Variants in ACBD6 observed in about 807,000 individuals in gnomAD.
ACBD6 encodes the protein acyl-CoA binding domain containing 6, also known as acyl-CoA-binding domain-containing protein 6.
ACBD6 carries 28 observed loss-of-function variants against 37.2 expected under a neutral mutation model. That is an observed-to-expected ratio of 0.75 (90% CI 0.56 to 1.03). The LOEUF is 1.03. Among genes scored for constraint, ACBD6 ranks in the 50% least tolerant of loss-of-function variants. ACBD6 has a pLI of 0.00. For synonymous variants in ACBD6, 113 were observed against 126.8 expected (o/e 0.89, Z 0.73); for missense variants, 340 against 337.4 (o/e 1.01, Z -0.06).
intron 7 of ACBD6, among the ~76,000 whole-genome samples, chr1:180,309,197 T>C (rs1650496777): frequency 1.3e-5 from 2 of 152,194 alleles, no homozygotes; most frequent in Non-Finnish European, 2.9e-5. Context: ...ATATACACCG[T>C]GCTACACCTT....
intron 7 of ACBD6, among the ~76,000 whole-genome samples, chr1:180,304,109 T>A (rs376469652): frequency 9.2e-4 from 139 of 150,634 alleles, no homozygotes; most frequent in African/African-American, 3.2e-3. Context: ...ACGTATCTCA[T>A]AATAATAAGA....
intron 6 of ACBD6, among the ~76,000 whole-genome samples, chr1:180,345,005 C>T (rs1652127494): frequency 6.6e-6 from 1 of 152,198 alleles, no homozygotes; most frequent in Non-Finnish European, 1.5e-5. Flanking sequence ...ACTATACACT[C>T]TTCTTTACCT....
At chr1:180,486,761 A>T (rs1651282482) in intron 3 of ACBD6, among the ~76,000 whole-genome samples, 1 of 152,204 alleles carries the variant, frequency 6.6e-6, no homozygotes, top group Non-Finnish European at 1.5e-5. Context: ...TACAAAGGGA[A>T]AAATAGGAAC....
At chr1:180,443,779 A>ATTTT (rs71121019) in intron 3 of ACBD6, among the ~76,000 whole-genome samples, 1 of 134,100 alleles carries the variant, frequency 7.5e-6, no homozygotes, top group African/African-American at 2.8e-5. Flanking sequence ...CGCCCAGCTA[A>ATTTT]TTTTTTTTTT....
At chr1:180,424,411 C>T (rs932161949) in intron 4 of ACBD6, among the ~76,000 whole-genome samples, 11 of 152,008 alleles carry the variant, frequency 7.2e-5, no homozygotes, top group Non-Finnish European at 1.2e-4. Flanking sequence ...TCATACCCTA[C>T]GTGTCAATTA....
intron 6 of ACBD6, among the ~76,000 whole-genome samples, chr1:180,354,245 C>A (rs1401608042): frequency 1.3e-5 from 2 of 152,178 alleles, no homozygotes; most frequent in African/African-American, 4.8e-5. Flanking sequence ...CTTGTCAGCC[C>A]AGATCACAAA....
At chr1:180,288,654 C>A in intron 7 of ACBD6, 137 bp from the exon 8 acceptor site, 1 of 1,085,272 alleles carries the variant, frequency 9.2e-7, no homozygotes, top group Non-Finnish European at 1.4e-6. Context: ...GAAGGATGGT[C>A]AGGCCTGGTA....
At chr1:180,459,836 A>T (rs1173021677) in intron 3 of ACBD6, among the ~76,000 whole-genome samples, 1 of 152,112 alleles carries the variant, frequency 6.6e-6, no homozygotes, top group Non-Finnish European at 1.5e-5. Context: ...AACACATATG[A>T]CCTCAAAAAA....
chr1:180,282,100 A>G (rs1235342003), intron 8 of ACBD6, among the ~76,000 whole-genome samples: 1 of 152,240 alleles, frequency 6.6e-6, no homozygotes, highest in African/African-American at 2.4e-5. Context: ...GAATAAAAGT[A>G]TTACACACAA....
intron 6 of ACBD6, among the ~76,000 whole-genome samples, chr1:180,328,505 AC>A (rs1465456803): frequency 2.0e-5 from 3 of 152,004 alleles, no homozygotes; most frequent in African/African-American, 7.2e-5. Flanking sequence ...CTCTAAAGAT[AC>A]AAGAGTAATA....
intron 6 of ACBD6, among the ~76,000 whole-genome samples, chr1:180,346,601 C>T (rs1329124707): frequency 6.6e-6 from 1 of 152,144 alleles, no homozygotes; most frequent in African/African-American, 2.4e-5. Context: ...GGACTGCAAA[C>T]TCTAGATGAG....
chr1:180,502,425 C>T lies in ACBD6; in HGVS notation c.-159G>A. 1 of 761,226 alleles carries T rather than the reference C, an allele frequency of 1.3e-6. No individual in the cohort carries two copies. The highest frequency in any genetic ancestry group is 2.3e-6 in the Non-Finnish European group (1 of 442,308). 47.2% of individuals were successfully genotyped at this position (761,226 alleles called of 1,614,324 possible). A position where few individuals can be genotyped will look rare whatever the true frequency, so the allele number is the denominator to read the frequency against. ...GCGCTCCCTCACGTGACCCTGCTCCCTGCCCACTTCTACTCCCTGGGCGTG... is the reference window on the plus strand; with the variant it reads ...GCGCTCCCTCACGTGACCCTGCTCCTTGCCCACTTCTACTCCCTGGGCGTG... On this transcript the variant is annotated 5_prime_UTR_variant, in exon 1 of 8. Transcript: ENST00000367595.
intron 3 of ACBD6, among the ~76,000 whole-genome samples, chr1:180,437,267 A>G (rs1649079067): frequency 6.6e-6 from 1 of 152,184 alleles, no homozygotes; most frequent in Non-Finnish European, 1.5e-5. Flanking sequence ...CACAACTTGA[A>G]GCCAGTTGGT....
chr1:180,452,419 C>T (rs1031658807), intron 3 of ACBD6, among the ~76,000 whole-genome samples: 4 of 151,724 alleles, frequency 2.6e-5, no homozygotes, highest in South Asian at 2.1e-4. Flanking sequence ...TGTGGTGAGC[C>T]GAGATCATGC....
intron 4 of ACBD6, among the ~76,000 whole-genome samples, chr1:180,420,872 C>A (rs922960856): frequency 2.0e-5 from 3 of 152,148 alleles, no homozygotes; most frequent in Non-Finnish European, 4.4e-5. Context: ...GGTAGCCTAT[C>A]CCTTCCTGCC....
At chr1:180,498,429 T>C (rs1450347783) in intron 1 of ACBD6, among the ~76,000 whole-genome samples, 1 of 152,236 alleles carries the variant, frequency 6.6e-6, no homozygotes, top group Non-Finnish European at 1.5e-5. Context: ...ATAGTTCATT[T>C]TGCGACTCAG....
At chr1:180,459,995 T>C (rs527681903) in intron 3 of ACBD6, among the ~76,000 whole-genome samples, 35 of 147,764 alleles carry the variant, frequency 2.4e-4, no homozygotes, top group Non-Finnish European at 4.6e-4. Flanking sequence ...TTTTTTTTAA[T>C]TATACTTTAA....
At chr1:180,469,956 A>G (rs1455800994) in intron 3 of ACBD6, among the ~76,000 whole-genome samples, 1 of 152,214 alleles carries the variant, frequency 6.6e-6, no homozygotes, top group Non-Finnish European at 1.5e-5. Flanking sequence ...ACTTTAAAGC[A>G]TAATACACTA....
chr1:180,291,301 C>T (rs569658236), intron 7 of ACBD6, among the ~76,000 whole-genome samples: 23 of 152,306 alleles, frequency 1.5e-4, no homozygotes, highest in Non-Finnish European at 1.8e-4. Context: ...TTCCAGGAAA[C>T]TACCAAACTT....
Sources: allele counts gnomAD v4.1 joint callset (sites outside exome capture counted in the v4.1 genomes callset), GRCh38; gene constraint gnomAD v4.1.1; transcripts MANE v1.5; gene names NCBI Gene and HGNC (gene_info 2026-07-23, HGNC 2026-07-21).